Variants in GLMN observed in about 807,000 individuals in gnomAD.
GLMN encodes the protein glomulin, FKBP associated protein.
Under a neutral mutation model 87.8 loss-of-function variants are expected in GLMN, and 75 were observed. That is an observed-to-expected ratio of 0.85 (90% confidence interval 0.71 to 1.04). The LOEUF (loss-of-function observed/expected upper bound fraction) is 1.04, where lower values mean the gene tolerates loss of function less well. Ranked by LOEUF, GLMN falls within the 50% of genes least tolerant of loss-of-function variation. GLMN has a pLI of 0.00. For missense variants in GLMN, 588 were observed against 658.8 expected (o/e 0.89, Z 1.18); for synonymous variants, 206 against 221.6 (o/e 0.93, Z 0.63).
chr1:92,313,909 T>C, the GLMN span, among the ~76,000 whole-genome samples: 3 of 152,238 alleles, frequency 2.0e-5, no homozygotes, highest in African/African-American at 7.2e-5. Flanking sequence ...TCCTTGAATC[T>C]CATGAACCAA....
intron 3 of GLMN, among the ~76,000 whole-genome samples, chr1:92,294,411 C>A (rs1649790154): frequency 6.6e-6 from 1 of 152,062 alleles, no homozygotes; most frequent in African/African-American, 2.4e-5. Flanking sequence ...CCAGTGGATG[C>A]CTGAAACCAT....
chr1:92,368,656 G>C, the GLMN span, among the ~76,000 whole-genome samples: 28 of 152,150 alleles, frequency 1.8e-4, no homozygotes, highest in African/African-American at 4.8e-4. Flanking sequence ...TCTTGATTCA[G>C]TTATCTTGCC....
intron 7 of GLMN, among the ~76,000 whole-genome samples, chr1:92,282,206 T>C (rs976197075): frequency 2.6e-5 from 4 of 152,166 alleles, no homozygotes; most frequent in Non-Finnish European, 4.4e-5. Flanking sequence ...TATTCTAAAA[T>C]TGACCATATA....
the GLMN span, among the ~76,000 whole-genome samples, chr1:92,305,241 G>C: frequency 2.0e-5 from 3 of 151,736 alleles, no homozygotes; most frequent in Non-Finnish European, 4.4e-5. Context: ...GACCATCCTG[G>C]CTAACACAGT....
At chr1:92,361,142 AACAC>A in the GLMN span, among the ~76,000 whole-genome samples, 2 of 149,312 alleles carry the variant, frequency 1.3e-5, no homozygotes, top group Admixed American at 1.3e-4. Flanking sequence ...CACACACATA[AACAC>A]ACACACACAC....
At chr1:92,363,120 C>T in the GLMN span, among the ~76,000 whole-genome samples, 1 of 152,144 alleles carries the variant, frequency 6.6e-6, no homozygotes, top group Non-Finnish European at 1.5e-5. Context: ...TTGAAGGAGT[C>T]TATGAACCCC....
the GLMN span, chr1:92,333,244 CAAATTT>C: frequency 1.1e-5 from 7 of 611,646 alleles, no homozygotes; most frequent in Non-Finnish European, 2.0e-5. Flanking sequence ...AGTTGATACT[CAAATTT>C]AAATCTAATT....
At chr1:92,307,250 T>G in the GLMN span, 2 of 1,612,012 alleles carry the variant, frequency 1.2e-6, no homozygotes, top group South Asian at 1.1e-5. Context: ...TTCCCAAAAC[T>G]CCAGTATGGG....
In GLMN at chr1:92,247,022, CTAAAGAAGAAAAAG is replaced by C. The variant is rs551064579; in HGVS notation, c.1668+26_1668+39del. 2.3e-5 allele frequency: 25 copies of C among 1,088,220 alleles called. No individual in the cohort carries two copies. The African/African-American group carries it at 3.4e-4, about 15-fold the overall frequency. The allele number at this position is 1,088,220 out of a possible 1,614,324, so 67.4% of individuals were successfully genotyped here. ...TGGGCAAGATAGCAAGACCCCGTTT[CTAAAGAAGAAAAAG>C]GAAAGAAAAGAAAATTTCAGATCAC... On this transcript the variant is annotated intron_variant, in intron 18 of 18. Coordinates refer to ENST00000370360, the MANE Select transcript of GLMN (RefSeq NM_053274.3).
At chr1:92,265,335 A>C (rs12403353) in intron 13 of GLMN, among the ~76,000 whole-genome samples, 39,283 of 151,188 alleles carry the variant, frequency 0.26, 6,214 homozygotes, top group Non-Finnish European at 0.35. Flanking sequence ...AAAAAAAAAA[A>C]AAAACTAGAT....
the GLMN span, among the ~76,000 whole-genome samples, chr1:92,331,210 T>G: frequency 6.6e-6 from 1 of 152,234 alleles, no homozygotes; most frequent in Non-Finnish European, 1.5e-5. Flanking sequence ...CCTTTCTATT[T>G]GCTTTTTTTC....
chr1:92,302,640 C>A (rs1342457792), upstream of GLMN, among the ~76,000 whole-genome samples: 1 of 111,272 alleles, frequency 9.0e-6, no homozygotes, highest in Non-Finnish European at 1.7e-5. Flanking sequence ...CTCACTCTGT[C>A]GCCCAGGCTG....
At chr1:92,298,172 T>G in intron 1 of GLMN, 143 bp from the exon 2 acceptor site, 1 of 583,428 alleles carries the variant, frequency 1.7e-6, no homozygotes, top group Non-Finnish European at 3.1e-6. Context: ...TCCAATAGCA[T>G]GCTAGGAGAA....
upstream of GLMN, among the ~76,000 whole-genome samples, chr1:92,302,711 C>A (rs937413708): frequency 5.4e-5 from 8 of 147,680 alleles, no homozygotes; most frequent in African/African-American, 2.0e-4. Context: ...ACGCCATTCT[C>A]CTGCCTCAGC....
the GLMN span, among the ~76,000 whole-genome samples, chr1:92,315,646 A>T: frequency 6.6e-6 from 1 of 152,246 alleles, no homozygotes; most frequent in African/African-American, 2.4e-5. Context: ...TATCACAGTA[A>T]GCTCACTACC....
At chr1:92,302,490 T>C, upstream of GLMN, among the ~76,000 whole-genome samples, 1 of 152,136 alleles carries the variant, frequency 6.6e-6, no homozygotes, top group Non-Finnish European at 1.5e-5. Context: ...AAGAATATTA[T>C]TTTTGTCAAT....
At chr1:92,307,894 A>G in the GLMN span, among the ~76,000 whole-genome samples, 1 of 152,172 alleles carries the variant, frequency 6.6e-6, no homozygotes, top group African/African-American at 2.4e-5. Context: ...TATGGTAATT[A>G]AACTGTATTG....
chr1:92,247,555 T>G (rs1557498635), intron 17 of GLMN, among the ~76,000 whole-genome samples: 1 of 152,186 alleles, frequency 6.6e-6, no homozygotes, highest in Admixed American at 6.5e-5. Flanking sequence ...TTTCATAATT[T>G]GTATGGATTT....
chr1:92,269,928 G>C, intron 8 of GLMN, 152 bp from the exon 9 acceptor site: 1 of 628,132 alleles, frequency 1.6e-6, no homozygotes, highest in Admixed American at 2.5e-5. Flanking sequence ...CTTATTTGGA[G>C]ATAGGGTTAT....
Sources: allele counts gnomAD v4.1 joint callset (sites outside exome capture counted in the v4.1 genomes callset), GRCh38; gene constraint gnomAD v4.1.1; transcripts MANE v1.5; gene names NCBI Gene and HGNC (gene_info 2026-07-23, HGNC 2026-07-21).